Variants in FAM120B observed in about 807,000 individuals in gnomAD.
FAM120B encodes the protein constitutive coactivator of peroxisome proliferator-activated receptor gamma.
A neutral mutation model predicts 96.3 loss-of-function variants in FAM120B; 83 were observed. The observed-to-expected ratio is 0.86, with a 90% confidence interval of 0.72 to 1.03. FAM120B has a LOEUF of 1.03. FAM120B is among the 50% of genes least tolerant of loss of function. The pLI, the probability that FAM120B is intolerant of heterozygous loss-of-function variation, is 0.00. For missense variants in FAM120B, 1,027 were observed against 1,121.2 expected, an observed-to-expected ratio of 0.92 and a Z score of 1.20; for synonymous variants, 407 against 402.7, an observed-to-expected ratio of 1.01 and a Z score of -0.13.
At chr6:170,305,402 T>A (rs1784247634), upstream of FAM120B, among the ~76,000 whole-genome samples, 1 of 152,242 alleles carries the variant, frequency 6.6e-6, no homozygotes, top group Admixed American at 6.5e-5. Flanking sequence ...GTAAGCCTTG[T>A]ATGCTGAATC....
intron 1 of FAM120B, among the ~76,000 whole-genome samples, chr6:170,316,058 CAAAAAAAAAAA>C (rs35344814): frequency 2.2e-5 from 2 of 91,856 alleles, no homozygotes; most frequent in South Asian, 4.1e-4. Flanking sequence ...GACCCGGTCT[CAAAAAAAAAAA>C]AAAAAAAAAA....
chr6:170,345,805 T>A (rs1787140668), intron 4 of FAM120B, among the ~76,000 whole-genome samples: 1 of 152,228 alleles, frequency 6.6e-6, no homozygotes, highest in African/African-American at 2.4e-5. Flanking sequence ...AGTTCCTAGT[T>A]ATGTATTCAG....
At chr6:170,342,872 C>T (rs1387670889) in intron 4 of FAM120B, among the ~76,000 whole-genome samples, 4 of 152,174 alleles carry the variant, frequency 2.6e-5, no homozygotes, top group Non-Finnish European at 1.5e-5. Flanking sequence ...ATGAGGGCCA[C>T]CTTCGATCTT....
At chr6:170,378,771 T>G (rs1366381489) in intron 6 of FAM120B, among the ~76,000 whole-genome samples, 1 of 152,064 alleles carries the variant, frequency 6.6e-6, no homozygotes, top group African/African-American at 2.4e-5. Flanking sequence ...GTGGGCGGGG[T>G]GGGCTGCACC....
At chr6:170,321,729 C>T (rs1433839511) in intron 2 of FAM120B, among the ~76,000 whole-genome samples, 1 of 152,186 alleles carries the variant, frequency 6.6e-6, no homozygotes, top group African/African-American at 2.4e-5. Flanking sequence ...CAAGCCACAC[C>T]TCAGGACAAG....
chr6:170,329,889 G>A (rs751242576), intron 3 of FAM120B, among the ~76,000 whole-genome samples: 4 of 152,010 alleles, frequency 2.6e-5, no homozygotes, highest in Non-Finnish European at 4.4e-5. Flanking sequence ...GCCCCGCATC[G>A]AAGCCCTCTG....
intron 9 of FAM120B, among the ~76,000 whole-genome samples, chr6:170,397,743 A>G (rs1778256375): frequency 6.6e-6 from 1 of 151,962 alleles, no homozygotes; most frequent in Non-Finnish European, 1.5e-5. Context: ...ACACCTTCCC[A>G]CCCTGGAGAT....
upstream of FAM120B, chr6:170,290,916 G>T (rs1030328799): frequency 4.3e-6 from 3 of 696,086 alleles, no homozygotes; most frequent in African/African-American, 5.3e-5. The surrounding 1 kb of genome is among the most constrained non-coding windows in gnomAD (Gnocchi z 4.7). Context: ...CCGCGGGTGC[G>T]CGCAGAGGAT....
At chr6:170,350,744 CA>C (rs34491890) in intron 5 of FAM120B, among the ~76,000 whole-genome samples, 24,702 of 152,164 alleles carry the variant, frequency 0.16, 3,105 homozygotes, top group East Asian at 0.59. Flanking sequence ...ACAACATCAA[CA>C]AAAAAGACCC....
At chr6:170,377,372 G>C (rs577655308) in intron 6 of FAM120B, among the ~76,000 whole-genome samples, 44 of 126,994 alleles carry the variant, frequency 3.5e-4, no homozygotes, top group African/African-American at 1.1e-3. Flanking sequence ...AGACGCCTGG[G>C]AGAACACAGG....
chr6:170,381,502 G>A (rs1789898473), intron 6 of FAM120B, among the ~76,000 whole-genome samples: 1 of 151,808 alleles, frequency 6.6e-6, no homozygotes, highest in Admixed American at 6.6e-5. Flanking sequence ...GAAAATACAA[G>A]AAGATAGACC....
rs199935608 is a variant in FAM120B, at chr6:170,388,451, A to G, written c.2448A>G (p.Gln816=). ...AGCTTTTTCATCAGAAGTACTTGCA[A>G]TCTGAAAAGGGTTATGCTGTGGAGG... ...DGKLFHQKYL[Q]SEKGYAVEVL... Residue 816 remains glutamine (Q), a synonymous_variant, in exon 7 of 11, where the codon CAA becomes CAG. Coordinates refer to ENST00000476287, the MANE Select transcript of FAM120B (RefSeq NM_032448.3). 1 of 1,614,152 alleles carries G rather than the reference A, an allele frequency of 6.2e-7. No homozygotes were observed.
intron 1 of FAM120B, among the ~76,000 whole-genome samples, chr6:170,309,896 C>T (rs1784488504): frequency 6.6e-6 from 1 of 152,184 alleles, no homozygotes; most frequent in South Asian, 2.1e-4. Context: ...AAACTTTCCT[C>T]AATGCTCTCA....
upstream of FAM120B, chr6:170,290,810 AC>A (rs1783845771): frequency 1.7e-6 from 1 of 600,972 alleles, no homozygotes; most frequent in Non-Finnish European, 3.0e-6. This position sits in a 1 kb window ranked among gnomAD's most constrained non-coding sequence, Gnocchi z 4.7. Flanking sequence ...CATCCAGTAC[AC>A]ACGCGCAGGA....
chr6:170,306,298 C>A (rs1479559425), upstream of FAM120B, among the ~76,000 whole-genome samples: 1 of 152,088 alleles, frequency 6.6e-6, no homozygotes, highest in Non-Finnish European at 1.5e-5. Flanking sequence ...TGTGCAGGAG[C>A]CCCCCGCTGT....
At chr6:170,374,142 G>A (rs1442353050) in intron 6 of FAM120B, among the ~76,000 whole-genome samples, 1 of 152,188 alleles carries the variant, frequency 6.6e-6, no homozygotes, top group African/African-American at 2.4e-5. Context: ...CTCTGGTCCT[G>A]ACACCACTCC....
At chr6:170,394,923 T>C (rs955023712) in intron 8 of FAM120B, among the ~76,000 whole-genome samples, 1 of 152,242 alleles carries the variant, frequency 6.6e-6, no homozygotes, top group Non-Finnish European at 1.5e-5. Flanking sequence ...GCCTGGGCCT[T>C]CTTTGTGGAG....
intron 2 of FAM120B, 55 bp from the exon 3 acceptor site, chr6:170,323,024 A>C: frequency 5.5e-6 from 8 of 1,451,676 alleles, no homozygotes; most frequent in Non-Finnish European, 7.4e-6. Flanking sequence ...TTTCTATTTG[A>C]AGGTTACTAT....
intron 6 of FAM120B, among the ~76,000 whole-genome samples, chr6:170,359,896 A>C (rs185073523): frequency 2.8e-4 from 42 of 152,290 alleles, no homozygotes; most frequent in African/African-American, 9.6e-4. Context: ...ACAGAATTTT[A>C]AAATGTTAAT....
Sources: gnomAD v4.1 joint callset for allele counts (sites outside exome capture counted in the v4.1 genomes callset) on GRCh38, gnomAD v4.1.1 for gene constraint, Gnocchi (gnomAD v3.1) non-coding constraint, MANE v1.5 for transcripts, NCBI Gene and HGNC (gene_info 2026-07-23, HGNC 2026-07-21) for gene names.